Variants in RIPOR2 observed in about 807,000 individuals in gnomAD.
RIPOR2 encodes RHO family interacting cell polarization regulator 2.
RIPOR2 carries 39 observed loss-of-function variants against 114.5 expected under a neutral mutation model. The observed-to-expected ratio is 0.34, with a 90% confidence interval of 0.26 to 0.44. The LOEUF (loss-of-function observed/expected upper bound fraction) is 0.44. RIPOR2 is among the 20% of genes least tolerant of loss of function. RIPOR2 has a pLI of 1.00. For synonymous variants in RIPOR2, 445 were observed against 484.4 expected (o/e 0.92, Z 1.07); for missense variants, 1,007 against 1,255.1 (o/e 0.80, Z 2.99).
At chr6:24,851,962 G>C (rs1044134893) in intron 9 of RIPOR2, among the ~76,000 whole-genome samples, 2 of 149,430 alleles carry the variant, frequency 1.3e-5, no homozygotes, top group East Asian at 2.0e-4. Context: ...GCTCTAAAAT[G>C]GTTCAGGGGC....
At chr6:24,822,296 T>C (rs2113653815) in intron 19 of RIPOR2, among the ~76,000 whole-genome samples, 1 of 152,342 alleles carries the variant, frequency 6.6e-6, no homozygotes, top group South Asian at 2.1e-4. Context: ...TTTGTCTCCC[T>C]CATTTCAGGA....
chr6:24,924,813 A>G (rs1025617009), intron 1 of RIPOR2, among the ~76,000 whole-genome samples: 3 of 152,234 alleles, frequency 2.0e-5, no homozygotes, highest in African/African-American at 7.2e-5. Flanking sequence ...AGTTGATGAC[A>G]TAGACTAGAG....
intron 13 of RIPOR2, chr6:24,839,776 T>C (rs1052680114): frequency 7.9e-6 from 11 of 1,395,374 alleles, no homozygotes; most frequent in Non-Finnish European, 1.0e-5. Context: ...TGCTGAATAC[T>C]GACCAATCTC....
chr6:25,038,122 T>C (rs1777327176), intron 1 of RIPOR2, among the ~76,000 whole-genome samples: 1 of 152,246 alleles, frequency 6.6e-6, no homozygotes, highest in African/African-American at 2.4e-5. Context: ...TTTTCTCAAC[T>C]TTACTGAATG....
At chr6:24,821,737 C>A (rs1042420981) in intron 19 of RIPOR2, among the ~76,000 whole-genome samples, 3 of 152,202 alleles carry the variant, frequency 2.0e-5, no homozygotes, top group African/African-American at 7.2e-5. Context: ...AGGGACTAGC[C>A]TCCAGTACAA....
At chr6:24,968,281 C>T (rs1039427869) in intron 1 of RIPOR2, among the ~76,000 whole-genome samples, 3 of 152,160 alleles carry the variant, frequency 2.0e-5, no homozygotes, top group Admixed American at 6.5e-5. Flanking sequence ...CAAATGAGGG[C>T]CTTGACTGCC....
At chr6:24,838,838 C>G (rs956579874) in intron 14 of RIPOR2, among the ~76,000 whole-genome samples, 1 of 152,064 alleles carries the variant, frequency 6.6e-6, no homozygotes, top group African/African-American at 2.4e-5. Context: ...CACTCTCATA[C>G]AAAATTTTCC....
rs552493821 is a variant in RIPOR2, at chr6:24,960,652, C to T, written c.76+81199G>A. Among the ~76,000 whole-genome samples, 15 of 152,266 alleles carry T rather than the reference C, an allele frequency of 9.9e-5. No individual in the cohort carries two copies. The East Asian group carries it at 2.9e-3, about 29-fold the overall frequency. ...GTTGATCCTCCCACCTCAGCCTCCC[C>T]AGCAGCTGAGACTACAGGCATGCAC... On this transcript the variant is annotated intron_variant, in intron 1 of 13. Coordinates refer to the RIPOR2 transcript ENST00000510784.
intron 1 of RIPOR2, among the ~76,000 whole-genome samples, chr6:24,997,917 G>A (rs996811765): frequency 3.9e-5 from 6 of 152,116 alleles, no homozygotes; most frequent in Admixed American, 2.0e-4. Flanking sequence ...ACTTTGCTTC[G>A]GTAAGTCCTT....
chr6:24,848,474 G>C (rs1287159230), intron 11 of RIPOR2, among the ~76,000 whole-genome samples: 1 of 152,126 alleles, frequency 6.6e-6, no homozygotes. Context: ...GACAAAACAA[G>C]ATGTTGAAAA....
At chr6:24,872,767 C>A in intron 4 of RIPOR2, 114 bp downstream of exon 4, 1 of 693,636 alleles carries the variant, frequency 1.4e-6, no homozygotes, top group Non-Finnish European at 2.6e-6. Context: ...GCAGATAGTA[C>A]TCTGCCCCTT....
At chr6:25,009,979 A>G (rs1466438217) in intron 1 of RIPOR2, among the ~76,000 whole-genome samples, 1 of 152,090 alleles carries the variant, frequency 6.6e-6, no homozygotes, top group Non-Finnish European at 1.5e-5. Flanking sequence ...TCCAGGAGAG[A>G]GTTAGGAGGA....
intron 1 of RIPOR2, among the ~76,000 whole-genome samples, chr6:24,980,812 C>A (rs1774255306): frequency 6.6e-6 from 1 of 152,172 alleles, no homozygotes; most frequent in Non-Finnish European, 1.5e-5. Context: ...TACAGCTGGG[C>A]TCTGGGAAGG....
intron 1 of RIPOR2, chr6:24,976,474 G>A (rs1774054123): frequency 6.4e-6 from 10 of 1,571,708 alleles, no homozygotes; most frequent in South Asian, 1.1e-5. Flanking sequence ...CCCTTGGGCC[G>A]CATCTCCTTT....
chr6:24,982,653 T>C (rs1774346334), intron 1 of RIPOR2, among the ~76,000 whole-genome samples: 1 of 152,240 alleles, frequency 6.6e-6, no homozygotes. Flanking sequence ...CCTATGCTTC[T>C]CTACATATAA....
intron 1 of RIPOR2, among the ~76,000 whole-genome samples, chr6:24,992,835 C>A (rs1404537795): frequency 1.3e-5 from 2 of 152,160 alleles, no homozygotes; most frequent in Non-Finnish European, 2.9e-5. Flanking sequence ...GCTATAGTAA[C>A]TAAAACAGCA....
At position 25,016,966 on chromosome 6, in the gene RIPOR2, G is replaced by C. The variant is rs1776036367; in HGVS notation, c.76+24885C>G. ...GGAAACAAAAGATCTAAAGAAAGTA[G>C]CCAGCCTCTCCCAGAGATTGCAAAC... On this transcript the variant is annotated intron_variant, in intron 1 of 13. Transcript: ENST00000510784. Among the ~76,000 whole-genome samples, 3 of 152,194 alleles carry C rather than the reference G, an allele frequency of 2.0e-5. No homozygotes were observed. The South Asian group carries it at 6.2e-4, about 32-fold the overall frequency.
At chr6:24,869,069 CA>C in intron 6 of RIPOR2, 24 bp downstream of exon 6, 1 of 1,404,422 alleles carries the variant, frequency 7.1e-7, no homozygotes, top group Non-Finnish European at 1.0e-6. Flanking sequence ...GAAAAACAGG[CA>C]ATGAGAACAG....
rs549106374 is a variant in RIPOR2 at position 24,993,303 on chromosome 6, T to C, written c.76+48548A>G. On this transcript the variant is annotated intron_variant, in intron 1 of 13. Transcript: ENST00000510784. ...TATATTTAGGATAGTTAGACCTTCT[T>C]GTTGAATTGAAGCCTTTACCATTAT... is the stretch of plus-strand genomic sequence containing the variant. 6.0e-4 allele frequency among the ~76,000 whole-genome samples: 91 copies of C among 152,372 alleles called. 1 individual carries two copies. In the South Asian group the frequency reaches 0.013, roughly 22 times the overall value.
Sources: gnomAD v4.1 joint callset for allele counts (sites outside exome capture counted in the v4.1 genomes callset) on GRCh38, gnomAD v4.1.1 for gene constraint, MANE v1.5 for transcripts, NCBI Gene and HGNC (gene_info 2026-07-23, HGNC 2026-07-21) for gene names.